The following ZRANB3 variants were observed in gnomAD, a reference collection of about 807,000 sequenced individuals.
ZRANB3 encodes DNA annealing helicase and endonuclease ZRANB3.
ZRANB3 carries 125 observed loss-of-function variants against 133.8 expected under a neutral mutation model. That is an observed-to-expected ratio of 0.93 (90% confidence interval 0.81 to 1.08). The LOEUF is 1.08. Ranked by LOEUF, ZRANB3 falls within the 50% of genes least tolerant of loss-of-function variation. The pLI, the probability that ZRANB3 is intolerant of heterozygous loss-of-function variation, is 0.00. For synonymous variants in ZRANB3, 387 were observed against 432.7 expected (o/e 0.89, Z 1.31); for missense variants, 1,229 against 1,275.5 (o/e 0.96, Z 0.56).
At chr2:135,234,344 C>T (rs1035965803) in intron 12 of ZRANB3, among the ~76,000 whole-genome samples, 1 of 152,040 alleles carries the variant, frequency 6.6e-6, no homozygotes, top group African/African-American at 2.4e-5. Context: ...CAATAATAAT[C>T]AGAGACTTTA....
intron 3 of ZRANB3, among the ~76,000 whole-genome samples, chr2:135,378,282 C>G (rs1162490984): frequency 6.6e-6 from 1 of 152,138 alleles, no homozygotes; most frequent in Non-Finnish European, 1.5e-5. Context: ...CACTTGAGGT[C>G]AGGAGTTCAA....
intron 8 of ZRANB3, among the ~76,000 whole-genome samples, chr2:135,280,145 C>T (rs1681030736): frequency 6.6e-6 from 1 of 152,156 alleles, no homozygotes; most frequent in Admixed American, 6.5e-5. Flanking sequence ...TCAGGTTTCA[C>T]AGAAGTTGCA....
intron 2 of ZRANB3, among the ~76,000 whole-genome samples, chr2:135,460,330 CA>C (rs1403142093): frequency 6.6e-6 from 1 of 151,470 alleles, no homozygotes; most frequent in Non-Finnish European, 1.5e-5. Context: ...CGTGATCTCT[CA>C]GCTCACTGCA....
chr2:135,414,151 A>C (rs1688443564), intron 2 of ZRANB3, among the ~76,000 whole-genome samples: 1 of 152,188 alleles, frequency 6.6e-6, no homozygotes, highest in East Asian at 1.9e-4. Context: ...TAAAAGACAC[A>C]GACTGGCAAA....
intron 2 of ZRANB3, among the ~76,000 whole-genome samples, chr2:135,438,415 G>C (rs1365496229): frequency 6.7e-6 from 1 of 149,774 alleles, no homozygotes. Flanking sequence ...TGAGGCAGGA[G>C]AATCGCTTGA....
intron 15 of ZRANB3, among the ~76,000 whole-genome samples, chr2:135,223,952 G>A (rs547591158): frequency 6.6e-6 from 1 of 152,328 alleles, no homozygotes; most frequent in South Asian, 2.1e-4. Context: ...ACTGTGCTAA[G>A]TGCTTTACAG....
At chr2:135,351,117 C>T (rs1685184140) in intron 4 of ZRANB3, among the ~76,000 whole-genome samples, 1 of 152,072 alleles carries the variant, frequency 6.6e-6, no homozygotes, top group East Asian at 1.9e-4. Context: ...TTTTCTATAT[C>T]ACCAGAAAAA....
intron 2 of ZRANB3, among the ~76,000 whole-genome samples, chr2:135,482,401 G>C (rs886820064): frequency 2.0e-5 from 3 of 147,676 alleles, no homozygotes; most frequent in Non-Finnish European, 4.4e-5. Flanking sequence ...GTTCACTCAT[G>C]ATTTGGCTCT....
intron 4 of ZRANB3, among the ~76,000 whole-genome samples, chr2:135,351,614 TACTA>T (rs1685212675): frequency 6.6e-6 from 1 of 152,154 alleles, no homozygotes; most frequent in South Asian, 2.1e-4. Context: ...TATTTAATAT[TACTA>T]ACTAACTTAG....
chr2:135,455,831 T>C (rs1690493126), intron 2 of ZRANB3, among the ~76,000 whole-genome samples: 1 of 151,824 alleles, frequency 6.6e-6, no homozygotes, highest in Non-Finnish European at 1.5e-5. Flanking sequence ...CCTGACCTGG[T>C]GATCCACCCA....
intron 8 of ZRANB3, among the ~76,000 whole-genome samples, chr2:135,276,990 A>G (rs1680856887): frequency 6.6e-6 from 1 of 152,226 alleles, no homozygotes; most frequent in South Asian, 2.1e-4. Flanking sequence ...TACCATAACC[A>G]TTCTGGTAGA....
intron 2 of ZRANB3, among the ~76,000 whole-genome samples, chr2:135,485,522 A>G (rs754236371): frequency 6.6e-6 from 1 of 152,210 alleles, no homozygotes; most frequent in Non-Finnish European, 1.5e-5. Context: ...TTATTATAGC[A>G]GTCACCATTT....
At chr2:135,462,450 C>T (rs1390260845) in intron 2 of ZRANB3, among the ~76,000 whole-genome samples, 1 of 152,156 alleles carries the variant, frequency 6.6e-6, no homozygotes, top group African/African-American at 2.4e-5. Flanking sequence ...TATTCTCAGG[C>T]AACTTTCTGT....
intron 3 of ZRANB3, among the ~76,000 whole-genome samples, chr2:135,375,061 A>G (rs897362143): frequency 6.6e-6 from 1 of 152,216 alleles, no homozygotes; most frequent in Admixed American, 6.5e-5. Flanking sequence ...GCTAGTGAGG[A>G]TGCAGAGCAA....
intron 2 of ZRANB3, among the ~76,000 whole-genome samples, chr2:135,478,593 C>A (rs1372785468): frequency 6.6e-6 from 1 of 152,062 alleles, no homozygotes; most frequent in Non-Finnish European, 1.5e-5. Context: ...TAATATATGT[C>A]TTTTATGGCT....
chr2:135,495,659 T>C (rs80002974), intron 2 of ZRANB3, among the ~76,000 whole-genome samples: 3 of 152,250 alleles, frequency 2.0e-5, no homozygotes, highest in East Asian at 3.9e-4. Flanking sequence ...CTTCAAAAAG[T>C]TGAAAAAAAT....
chr2:135,342,392 T>C (rs1258253700), intron 6 of ZRANB3, among the ~76,000 whole-genome samples: 1 of 150,016 alleles, frequency 6.7e-6, no homozygotes, highest in African/African-American at 2.5e-5. Context: ...TCTATTCTTC[T>C]TTTGAACATG....
chr2:135,292,511 G>A (rs1365740540), intron 8 of ZRANB3, among the ~76,000 whole-genome samples: 2 of 152,184 alleles, frequency 1.3e-5, no homozygotes, highest in Non-Finnish European at 2.9e-5. Flanking sequence ...TGTCAGATGA[G>A]TAGACTGCAA....
At chr2:135,473,690 C>A (rs947278665) in intron 2 of ZRANB3, among the ~76,000 whole-genome samples, 2 of 152,132 alleles carry the variant, frequency 1.3e-5, no homozygotes, top group African/African-American at 2.4e-5. Context: ...ATGGTGTCTT[C>A]GTATTTGTCT....
Sources: gnomAD v4.1 joint callset for allele counts (sites outside exome capture counted in the v4.1 genomes callset) on GRCh38, gnomAD v4.1.1 for gene constraint, MANE v1.5 for transcripts, NCBI Gene and HGNC (gene_info 2026-07-23, HGNC 2026-07-21) for gene names.